Variants in PRDM2 observed in about 807,000 individuals in gnomAD.
The protein encoded by PRDM2 is PR domain zinc finger protein 2.
Under a neutral mutation model 130.0 loss-of-function variants are expected in PRDM2, and 30 were observed. The ratio of observed to expected loss-of-function variants is 0.23; its 90% CI spans 0.17 to 0.31. PRDM2 has a LOEUF of 0.31. PRDM2 is among the 10% of genes least tolerant of loss of function. The pLI is 1.00. For synonymous variants in PRDM2, 871 were observed against 782.4 expected, an observed-to-expected ratio of 1.11 and a Z score of -1.89; for missense variants, 2,011 against 2,108.4, an observed-to-expected ratio of 0.95 and a Z score of 0.90.
intron 8 of PRDM2, among the ~76,000 whole-genome samples, chr1:13,814,816 G>A (rs1216221623): frequency 1.3e-5 from 2 of 152,150 alleles, no homozygotes; most frequent in Non-Finnish European, 2.9e-5. Context: ...TAGGGTTCCG[G>A]GCGTGTTTGT....
intron 4 of PRDM2, among the ~76,000 whole-genome samples, chr1:13,734,830 T>A (rs1643217560): frequency 6.6e-6 from 1 of 152,194 alleles, no homozygotes; most frequent in Admixed American, 6.5e-5. Context: ...TTTGCTCTGT[T>A]AAAATAAAAG....
At chr1:13,713,549 G>T (rs979420991) in intron 1 of PRDM2, among the ~76,000 whole-genome samples, 6 of 152,170 alleles carry the variant, frequency 3.9e-5, no homozygotes, top group African/African-American at 1.4e-4. Context: ...TCTTGTGAGA[G>T]GGAAAAGGCA....
At position 13,813,291 on chromosome 1, in the gene PRDM2, A is replaced by G. The variant is rs559751059; in HGVS notation, c.5037-3136A>G. Among the ~76,000 whole-genome samples the G allele has an allele frequency of 2.0e-5, 3 of 152,260 alleles. No homozygotes were observed. In the South Asian group the frequency reaches 6.2e-4, roughly 32 times the overall value. ...ATCATGAGGCTCTGCGCTAACTGCT[A>G]CTGTGCCCTGGAGAAGCACCCAATT... On this transcript the variant is annotated intron_variant, in intron 8 of 9. Transcript: ENST00000311066.
At chr1:13,822,630 G>A (rs1645371313) in intron 9 of PRDM2, among the ~76,000 whole-genome samples, 1 of 152,064 alleles carries the variant, frequency 6.6e-6, no homozygotes, top group African/African-American at 2.4e-5. Flanking sequence ...CTGACCTGGT[G>A]ATCTGCTCGC....
At position 13,816,461 on chromosome 1, in the gene PRDM2, C is replaced by A. The variant is rs1645259293; in HGVS notation, c.5071C>A (p.Pro1691Thr). Reference protein sequence around the residue: ...SLRLASRCSPPAAPYITRQYR... With the variant: ...SLRLASRCSPTAAPYITRQYR... ...CCGCTTGGCGTCCCGATGCTCTCCA[C>A]CAGCGGCCCCGTACATCACCAGGCA... The change falls in exon 9 of 10, where the codon CCA becomes ACA. Residue 1691 changes from proline (P) to threonine (T), a missense_variant. By Grantham distance (38) the Pro-to-Thr change is conservative (BLOSUM62 -1). This residue lies in a region of PRDM2 where 410 missense variants were observed against 395.9 expected (regional missense o/e 1.04). Transcript: ENST00000311066. 1 of 1,614,182 alleles carries A rather than the reference C, an allele frequency of 6.2e-7. No homozygotes were observed. Among genetic ancestry groups the A allele is most frequent in the East Asian group, 2.2e-5 (1 of 44,888 alleles).
At chr1:13,702,175 C>T (rs1642090611) in intron 1 of PRDM2, among the ~76,000 whole-genome samples, 1 of 151,844 alleles carries the variant, frequency 6.6e-6, no homozygotes, top group Non-Finnish European at 1.5e-5. Flanking sequence ...AGTTCATTCA[C>T]ATATATATAT....
At chr1:13,719,757 G>A (rs1172614588) in intron 2 of PRDM2, among the ~76,000 whole-genome samples, 1 of 149,474 alleles carries the variant, frequency 6.7e-6, no homozygotes, top group Admixed American at 6.7e-5. Context: ...ATAATTTAAT[G>A]CCATTTCAGT....
intron 9 of PRDM2, 84 bp downstream of exon 9, chr1:13,816,654 GA>G: frequency 6.6e-7 from 1 of 1,508,104 alleles, no homozygotes; most frequent in Non-Finnish European, 9.0e-7. Flanking sequence ...GGGAGGGAAG[GA>G]GAGAAAGCAG....
chr1:13,700,245 A>C lies in PRDM2; in HGVS notation c.-121A>C. 1 of 151,772 alleles carries C rather than the reference A, an allele frequency of 6.6e-6. No individual in the cohort carries two copies. Among genetic ancestry groups the C allele is most frequent in the Non-Finnish European group, 1.5e-5 (1 of 68,044 alleles). 9.4% of individuals were successfully genotyped at this position (151,772 alleles called of 1,614,324 possible). Reference sequence around the variant, plus strand: ...GGCCGCGGGCGCCGGGGCCGGCGAAACAGCGGCGGCGGCGGCGGCCCTCGG... The same window carrying C: ...GGCCGCGGGCGCCGGGGCCGGCGAACCAGCGGCGGCGGCGGCGGCCCTCGG... On this transcript the variant is annotated 5_prime_UTR_variant, in exon 1 of 10. Coordinates refer to ENST00000311066, the MANE Select transcript of PRDM2 (RefSeq NM_001393986.1).
chr1:13,704,046 C>G (rs1046302405), intron 1 of PRDM2, among the ~76,000 whole-genome samples: 3 of 152,094 alleles, frequency 2.0e-5, no homozygotes, highest in Non-Finnish European at 4.4e-5. Flanking sequence ...TTGCCAAATC[C>G]TTATTTGTAA....
intron 2 of PRDM2, among the ~76,000 whole-genome samples, chr1:13,721,317 A>T (rs1642721815): frequency 6.6e-6 from 1 of 152,060 alleles, no homozygotes; most frequent in Non-Finnish European, 1.5e-5. Context: ...CATCTTAGTT[A>T]TCTCTCCCCC....
At chr1:13,710,026 G>T (rs1557591577) in intron 1 of PRDM2, among the ~76,000 whole-genome samples, 1 of 152,082 alleles carries the variant, frequency 6.6e-6, no homozygotes, top group African/African-American at 2.4e-5. Flanking sequence ...TCCCAATTCT[G>T]TCCCTTGCCC....
At chr1:13,718,240 G>A (rs1642609462) in intron 2 of PRDM2, among the ~76,000 whole-genome samples, 1 of 152,182 alleles carries the variant, frequency 6.6e-6, no homozygotes, top group Non-Finnish European at 1.5e-5. Flanking sequence ...TTCTCCCCAG[G>A]AATGGATCAG....
At chr1:13,712,943 C>T (rs913864626) in intron 1 of PRDM2, among the ~76,000 whole-genome samples, 1 of 152,194 alleles carries the variant, frequency 6.6e-6, no homozygotes, top group Non-Finnish European at 1.5e-5. Flanking sequence ...CTGCACCAGC[C>T]ACACCAACAT....
At chr1:13,783,599 T>C (rs1213255769) in intron 8 of PRDM2, among the ~76,000 whole-genome samples, 3 of 152,214 alleles carry the variant, frequency 2.0e-5, no homozygotes, top group African/African-American at 7.2e-5. Flanking sequence ...GTGACTTTAC[T>C]GCTTTATTCC....
At chr1:13,810,184 C>T (rs1347582528) in intron 8 of PRDM2, among the ~76,000 whole-genome samples, 1 of 152,088 alleles carries the variant, frequency 6.6e-6, no homozygotes, top group Non-Finnish European at 1.5e-5. Flanking sequence ...TCAAGTTTGT[C>T]GACCTCTCAG....
chr1:13,706,796 A>C (rs1642224018), intron 1 of PRDM2, among the ~76,000 whole-genome samples: 2 of 152,122 alleles, frequency 1.3e-5, no homozygotes, highest in South Asian at 4.1e-4. Flanking sequence ...TTTCCAAAAA[A>C]AGCTTGCATG....
intron 2 of PRDM2, among the ~76,000 whole-genome samples, chr1:13,721,392 A>C (rs553198074): frequency 2.0e-5 from 3 of 151,838 alleles, no homozygotes; most frequent in African/African-American, 7.2e-5. Context: ...GTTTTATCAT[A>C]TTATTAATAT....
chr1:13,736,090 T>C (rs561078429), intron 4 of PRDM2, among the ~76,000 whole-genome samples: 2 of 151,952 alleles, frequency 1.3e-5, no homozygotes, highest in Non-Finnish European at 2.9e-5. Context: ...CTACTACTTA[T>C]TTACGTTATT....
Sources: gnomAD v4.1 joint callset for allele counts (sites outside exome capture counted in the v4.1 genomes callset) on GRCh38, gnomAD v4.1.1 for gene constraint, gnomAD v4.1.1 regional missense constraint, MANE v1.5 for transcripts, NCBI Gene and HGNC (gene_info 2026-07-23, HGNC 2026-07-21) for gene names.